NAV3: variants seen among roughly 807,000 people sequenced by gnomAD.
NAV3 encodes neuron navigator 3.
Under a neutral mutation model 244.7 loss-of-function variants are expected in NAV3, and 87 were observed. That is an observed-to-expected ratio of 0.36 (90% CI 0.30 to 0.42). The LOEUF is 0.42. Among genes scored for constraint, NAV3 ranks in the 20% least tolerant of loss-of-function variants. NAV3 has a pLI of 1.00. For missense variants in NAV3, 2,663 were observed against 2,893.3 expected (o/e 0.92, Z 1.83); for synonymous variants, 1,126 against 1,042.2 (o/e 1.08, Z -1.55).
intron 9 of NAV3, among the ~76,000 whole-genome samples, chr12:78,048,385 T>A (rs1157607636): frequency 6.6e-6 from 1 of 152,212 alleles, no homozygotes; most frequent in East Asian, 1.9e-4. Context: ...TTTGTGACCT[T>A]CAAACGGGGT....
rs1194680445 is a variant in NAV3, at chr12:78,181,026, C to T, written c.5673C>T (p.Ile1891=). The change falls in exon 30 of 40, where the codon ATC becomes ATT. Residue 1891 remains isoleucine (I), a synonymous_variant. Transcript: ENST00000397909. ...GACTTTCTCTAAACAATTTGAACAT[C>T]ACAGAGGCTGTTAGCTCAGGTGATT... ...SLGLSLNNLN[I]TEAVSSDILL... is the part of the protein sequence containing the mutation. 6.2e-7 allele frequency: 1 copy of T among 1,612,960 alleles called. No homozygotes were observed. Among genetic ancestry groups the T allele is most frequent in the South Asian group, 1.1e-5 (1 of 91,028 alleles).
chr12:77,960,456 C>A (rs1266802466), intron 3 of NAV3, among the ~76,000 whole-genome samples: 1 of 149,162 alleles, frequency 6.7e-6, no homozygotes, highest in African/African-American at 2.5e-5. Flanking sequence ...TATATACACA[C>A]ACACACACAC....
chr12:77,597,410 TA>T (rs1418762669), intron 2 of NAV3, among the ~76,000 whole-genome samples: 1 of 152,052 alleles, frequency 6.6e-6, no homozygotes, highest in African/African-American at 2.4e-5. Context: ...ACTCAATAAA[TA>T]TTCAAACTCT....
In NAV3 at chr12:77,712,585, A is replaced by G. The variant is rs7342361; in HGVS notation, c.72+140319A>G. 2.8e-3 allele frequency among the ~76,000 whole-genome samples: 419 copies of G among 152,334 alleles called. 3 individuals carry two copies. Among genetic ancestry groups the G allele is most frequent in the African/African-American group, 9.7e-3 (403 of 41,580 alleles). ...CTGATATCCTAACCAGAACATGTTT[A>G]TAGTGACCATAGTGACCCAATGGTT... On this transcript the variant is annotated intron_variant, in intron 2 of 8. Transcript: ENST00000550042.
intron 2 of NAV3, among the ~76,000 whole-genome samples, chr12:77,723,985 C>G (rs1326511857): frequency 6.6e-6 from 1 of 151,406 alleles, no homozygotes; most frequent in Non-Finnish European, 1.5e-5. Flanking sequence ...TTGTATTTTT[C>G]TATTCATTAA....
chr12:78,025,326 G>T (rs1877838627), intron 9 of NAV3, among the ~76,000 whole-genome samples: 1 of 152,014 alleles, frequency 6.6e-6, no homozygotes, highest in African/African-American at 2.4e-5. Context: ...GGCCAGGCAT[G>T]GTGGCTCACG....
At chr12:78,035,839 T>C (rs915139333) in intron 9 of NAV3, among the ~76,000 whole-genome samples, 1 of 152,202 alleles carries the variant, frequency 6.6e-6, no homozygotes, top group African/African-American at 2.4e-5. Context: ...GGGAAGTCTT[T>C]CCCTTTAAAG....
At chr12:77,641,520 A>G (rs1332616883) in intron 2 of NAV3, among the ~76,000 whole-genome samples, 1 of 152,142 alleles carries the variant, frequency 6.6e-6, no homozygotes, top group Non-Finnish European at 1.5e-5. Context: ...AATTATAATA[A>G]AAAGGAATTT....
intron 23 of NAV3, among the ~76,000 whole-genome samples, chr12:78,161,348 A>G (rs1957536942): frequency 6.6e-6 from 1 of 152,130 alleles, no homozygotes. Context: ...CTCACTGGGC[A>G]TATACCAAGC....
At chr12:77,966,645 A>C (rs1565968596) in intron 4 of NAV3, among the ~76,000 whole-genome samples, 1 of 152,250 alleles carries the variant, frequency 6.6e-6, no homozygotes, top group Non-Finnish European at 1.5e-5. Context: ...ACATAAATAC[A>C]GGTAAAATAT....
At chr12:77,986,252 C>G (rs1870488308) in intron 5 of NAV3, among the ~76,000 whole-genome samples, 1 of 152,084 alleles carries the variant, frequency 6.6e-6, no homozygotes, top group Non-Finnish European at 1.5e-5. Context: ...ATCTAAGCTA[C>G]TTGGGAGGCT....
chr12:78,186,735 C>T (rs1958737908), intron 31 of NAV3, among the ~76,000 whole-genome samples: 1 of 151,830 alleles, frequency 6.6e-6, no homozygotes, highest in Admixed American at 6.6e-5. Flanking sequence ...ACTTGGACTT[C>T]CATAATAAAA....
At chr12:77,647,486 C>T (rs549170614) in intron 2 of NAV3, among the ~76,000 whole-genome samples, 4 of 150,940 alleles carry the variant, frequency 2.7e-5, no homozygotes, top group Admixed American at 2.0e-4. Flanking sequence ...TTTTTTTGCC[C>T]AAACTAGATG....
Position 78,139,548 on chromosome 12 carries a change from A to G in NAV3, c.4631-734A>G, listed in dbSNP as rs371786709. On this transcript the variant is annotated intron_variant, in intron 19 of 39. Coordinates refer to ENST00000397909, the MANE Select transcript of NAV3 (RefSeq NM_001024383.2). ...AAATAAACATACTACTCCATAGTAA[A>G]AAGAGGATGAACTTTTCTGCAAATA... 6.6e-5 allele frequency among the ~76,000 whole-genome samples: 10 copies of G among 152,288 alleles called. No homozygotes were observed. The South Asian group carries it at 2.1e-3, about 32-fold the overall frequency.
chr12:77,622,159 GTTTTCTT>G (rs1382408506), intron 2 of NAV3, among the ~76,000 whole-genome samples: 2 of 151,296 alleles, frequency 1.3e-5, no homozygotes, highest in South Asian at 2.1e-4. Context: ...CTGTTTTTCT[GTTTTCTT>G]TTTTCTTTTT....
At chr12:78,105,372 T>C (rs574065375) in intron 12 of NAV3, among the ~76,000 whole-genome samples, 9 of 152,216 alleles carry the variant, frequency 5.9e-5, no homozygotes, top group African/African-American at 2.2e-4. Context: ...GGGATAATTG[T>C]ACCAATCATA....
intron 2 of NAV3, among the ~76,000 whole-genome samples, chr12:77,580,675 G>A (rs1869320360): frequency 1.3e-5 from 2 of 152,014 alleles, no homozygotes; most frequent in African/African-American, 4.8e-5. Context: ...TTAGAGTTTT[G>A]TTTCTATTTT....
Position 78,143,553 on chromosome 12 carries a change from C to T in NAV3, c.4684-2816C>T, listed in dbSNP as rs1205461045. 1.9e-5 allele frequency: 5 copies of T among 258,662 alleles called. No individual in the cohort carries two copies. In the Admixed American group the frequency reaches 2.2e-4, roughly 11 times the overall value. The allele number at this position is 258,662 out of a possible 1,614,324, so 16.0% of individuals were successfully genotyped here. On this transcript the variant is annotated intron_variant, in intron 20 of 39. Transcript: ENST00000397909. ...GGCTGAGGCAGGAGAATCGCCTGAACCTGGGAGGCTGAGGCTGCTGCAGTG... is the reference window on the plus strand; with the variant it reads ...GGCTGAGGCAGGAGAATCGCCTGAATCTGGGAGGCTGAGGCTGCTGCAGTG...
intron 5 of NAV3, among the ~76,000 whole-genome samples, chr12:77,993,184 C>G (rs1459942178): frequency 6.6e-6 from 1 of 151,930 alleles, no homozygotes; most frequent in Non-Finnish European, 1.5e-5. Flanking sequence ...GGTGGGGGGA[C>G]CAGTAAGGTG....
Sources: allele counts gnomAD v4.1 joint callset (sites outside exome capture counted in the v4.1 genomes callset), GRCh38; gene constraint gnomAD v4.1.1; transcripts MANE v1.5; gene names NCBI Gene and HGNC (gene_info 2026-07-23, HGNC 2026-07-21).